Variants in NALF1 observed in about 807,000 individuals in gnomAD.
NALF1 encodes the protein NALCN channel auxiliary factor 1, also known as family with sequence similarity 155 member A.
A neutral mutation model predicts 48.4 loss-of-function variants in NALF1; 3 were observed. The observed-to-expected ratio is 0.06, with a 90% CI of 0.03 to 0.16. NALF1 has a LOEUF of 0.16. Among genes scored for constraint, NALF1 ranks in the 10% least tolerant of loss-of-function variants. The pLI, the probability that NALF1 is intolerant of heterozygous loss-of-function variation, is 1.00. For missense variants in NALF1, 526 were observed against 571.5 expected, an observed-to-expected ratio of 0.92 and a Z score of 0.81; for synonymous variants, 262 against 245.7, an observed-to-expected ratio of 1.07 and a Z score of -0.62.
chr13:107,260,284 C>A (rs77755215), intron 1 of NALF1, among the ~76,000 whole-genome samples: 10,690 of 152,264 alleles, frequency 0.07, 418 homozygotes, highest in African/African-American at 0.11. Context: ...GTGAAACTGT[C>A]TGCTGTGAAT....
intron 1 of NALF1, among the ~76,000 whole-genome samples, chr13:107,663,377 T>G (rs945136402): frequency 4.6e-5 from 7 of 152,078 alleles, no homozygotes; most frequent in African/African-American, 1.7e-4. Flanking sequence ...AAAAAGACCT[T>G]TAGAAGGTAT....
intron 1 of NALF1, among the ~76,000 whole-genome samples, chr13:107,306,223 C>T (rs976633740): frequency 6.6e-6 from 1 of 152,156 alleles, no homozygotes; most frequent in Non-Finnish European, 1.5e-5. Flanking sequence ...CAGACAAAAA[C>T]GACAAAAACA....
chr13:107,514,582 T>A (rs1277548384), intron 1 of NALF1, among the ~76,000 whole-genome samples: 1 of 152,204 alleles, frequency 6.6e-6, no homozygotes, highest in Non-Finnish European at 1.5e-5. Context: ...CTGGCATGAT[T>A]AAAATAAATG....
intron 1 of NALF1, among the ~76,000 whole-genome samples, chr13:107,251,267 T>G (rs1398023957): frequency 1.3e-5 from 2 of 152,118 alleles, no homozygotes; most frequent in African/African-American, 2.4e-5. Flanking sequence ...CGCCTCTATT[T>G]CCCCCTCATT....
chr13:107,854,619 T>C (rs1204650956), intron 1 of NALF1, among the ~76,000 whole-genome samples: 1 of 152,146 alleles, frequency 6.6e-6, no homozygotes, highest in East Asian at 1.9e-4. Context: ...ACGCCTGTAA[T>C]CTCAACACTT....
chr13:107,251,164 G>C (rs7327157), intron 1 of NALF1, among the ~76,000 whole-genome samples: 19,092 of 151,982 alleles, frequency 0.13, 1,478 homozygotes, highest in East Asian at 0.34. Flanking sequence ...AACAAACCAG[G>C]AACTGCTGTA....
At chr13:107,365,943 A>T (rs1273598062) in intron 1 of NALF1, among the ~76,000 whole-genome samples, 1 of 152,224 alleles carries the variant, frequency 6.6e-6, no homozygotes, top group Non-Finnish European at 1.5e-5. Flanking sequence ...CGGAAGTTCA[A>T]TTAGCAAGCA....
chr13:107,274,351 A>G (rs1288205897), intron 1 of NALF1, among the ~76,000 whole-genome samples: 3 of 152,124 alleles, frequency 2.0e-5, no homozygotes, highest in Non-Finnish European at 4.4e-5. Flanking sequence ...CAGGAGGATC[A>G]CTTGAGGCTA....
chr13:107,758,614 G>A (rs981183748), intron 1 of NALF1, among the ~76,000 whole-genome samples: 5 of 152,036 alleles, frequency 3.3e-5, no homozygotes, highest in Admixed American at 6.6e-5. Flanking sequence ...CCAGCTACTC[G>A]GGAGGCTGAC....
At chr13:107,311,968 T>C (rs1251153580) in intron 1 of NALF1, among the ~76,000 whole-genome samples, 3 of 152,168 alleles carry the variant, frequency 2.0e-5, no homozygotes, top group African/African-American at 7.2e-5. Context: ...TTTTACACTG[T>C]TGGTGGGACT....
chr13:107,353,448 C>A (rs1340182619), intron 1 of NALF1, among the ~76,000 whole-genome samples: 1 of 152,160 alleles, frequency 6.6e-6, no homozygotes, highest in Non-Finnish European at 1.5e-5. Context: ...TCATGAGAAG[C>A]CACATTGCCA....
intron 1 of NALF1, among the ~76,000 whole-genome samples, chr13:107,534,665 CCTCAGGCATCTCT>C (rs1191226255): frequency 6.6e-6 from 1 of 152,126 alleles, no homozygotes; most frequent in Non-Finnish European, 1.5e-5. Context: ...AACATGCAGA[CCTCAGGCATCTCT>C]CTCAGGGATC....
At chr13:107,687,511 C>CACAT (rs923171465) in intron 1 of NALF1, among the ~76,000 whole-genome samples, 1 of 150,028 alleles carries the variant, frequency 6.7e-6, no homozygotes, top group Non-Finnish European at 1.5e-5. Flanking sequence ...TGCACACACA[C>CACAT]ACACACACAT....
intron 1 of NALF1, among the ~76,000 whole-genome samples, chr13:107,348,506 A>G (rs1448324485): frequency 6.6e-6 from 1 of 152,162 alleles, no homozygotes; most frequent in Admixed American, 6.5e-5. Flanking sequence ...TACATGTGCC[A>G]TGGTGGCTTG....
intron 1 of NALF1, among the ~76,000 whole-genome samples, chr13:107,791,164 T>C (rs1311110540): frequency 1.3e-5 from 2 of 152,208 alleles, no homozygotes; most frequent in Non-Finnish European, 2.9e-5. Context: ...AACTACAGTA[T>C]GATTGGTGAG....
At chr13:107,836,057 T>A (rs569826644) in intron 1 of NALF1, among the ~76,000 whole-genome samples, 88 of 152,268 alleles carry the variant, frequency 5.8e-4, no homozygotes, top group African/African-American at 8.4e-4. Flanking sequence ...AATGATGCGA[T>A]CATACCTCAA....
intron 1 of NALF1, among the ~76,000 whole-genome samples, chr13:107,813,954 A>T (rs2138609417): frequency 6.6e-6 from 1 of 152,308 alleles, no homozygotes; most frequent in South Asian, 2.1e-4. Flanking sequence ...CAATGTAGGT[A>T]TCCAAAATAC....
chr13:107,285,481 G>C (rs9558995), intron 1 of NALF1, among the ~76,000 whole-genome samples: 47,126 of 152,042 alleles, frequency 0.31, 9,029 homozygotes, highest in South Asian at 0.54. Context: ...ATTTTTTCAC[G>C]TTCTCATGTT....
intron 1 of NALF1, among the ~76,000 whole-genome samples, chr13:107,713,423 T>A (rs144854673): frequency 6.6e-6 from 1 of 152,210 alleles, no homozygotes; most frequent in Non-Finnish European, 1.5e-5. Flanking sequence ...TTCTGGCTTG[T>A]GTACTACATG....
Sources: gnomAD v4.1 joint callset for allele counts (sites outside exome capture counted in the v4.1 genomes callset) on GRCh38, gnomAD v4.1.1 for gene constraint, MANE v1.5 for transcripts, NCBI Gene and HGNC (gene_info 2026-07-23, HGNC 2026-07-21) for gene names.